Variants in INTS6 observed in about 807,000 individuals in gnomAD.
INTS6 encodes the protein integrator complex subunit 6.
A neutral mutation model predicts 104.9 loss-of-function variants in INTS6; 16 were observed. The observed-to-expected ratio is 0.15, with a 90% CI of 0.10 to 0.23. INTS6 has a LOEUF of 0.23. Among genes scored for constraint, INTS6 ranks in the 10% least tolerant of loss-of-function variants. The pLI is 1.00. For missense variants in INTS6, 584 were observed against 1,062.8 expected (o/e 0.55, Z 6.26); for synonymous variants, 324 against 358.7 (o/e 0.90, Z 1.09).
In INTS6 at chr13:51,430,225, A is replaced by C. The variant is rs139078176; in HGVS notation, c.429+69T>G. On this transcript the variant is annotated intron_variant, in intron 4 of 17. Coordinates refer to ENST00000311234, the MANE Select transcript of INTS6 (RefSeq NM_012141.3). ...ACGAGAGAACCTATTAAAGGTGTTC[A>C]GTATCCTACAAAAATAAAGGATTGT... The C allele has an allele frequency of 1.7e-3, 2,232 of 1,290,744 alleles. 28 individuals carry two copies. In the African/African-American group the frequency reaches 0.021, roughly 12 times the overall value. The allele number at this position is 1,290,744 out of a possible 1,614,324, so 80.0% of individuals were successfully genotyped here.
At chr13:51,450,652 G>A in intron 3 of INTS6, 1 of 989,380 alleles carries the variant, frequency 1.0e-6, no homozygotes, top group African/African-American at 1.7e-5. Context: ...TACTAATATA[G>A]AAACGAAGAA....
At chr13:51,413,563 C>T (rs1329399550) in intron 4 of INTS6, among the ~76,000 whole-genome samples, 2 of 152,096 alleles carry the variant, frequency 1.3e-5, no homozygotes, top group African/African-American at 4.8e-5. Flanking sequence ...AGTTGCAGAA[C>T]CAGGAATCAA....
intron 5 of INTS6, 131 bp downstream of exon 5, chr13:51,395,169 A>G: frequency 1.2e-6 from 1 of 817,734 alleles, no homozygotes; most frequent in Non-Finnish European, 1.9e-6. Flanking sequence ...TACTATTAAA[A>G]GCATATATGC....
At chr13:51,373,202 G>GTTT (rs201482941) in intron 15 of INTS6, among the ~76,000 whole-genome samples, 3 of 139,280 alleles carry the variant, frequency 2.2e-5, no homozygotes, top group African/African-American at 2.6e-5. Context: ...TTGGTGTTTG[G>GTTT]TTTTTTTTTT....
intron 3 of INTS6, chr13:51,447,733 G>GAAAAAAAAA (rs940260743): frequency 7.2e-5 from 4 of 55,464 alleles, no homozygotes; most frequent in African/African-American, 1.5e-4. Context: ...ATAATTTACT[G>GAAAAAAAAA]AAAAAAAAAA....
intron 3 of INTS6, chr13:51,440,834 C>T (rs1487923631): frequency 1.3e-5 from 2 of 152,186 alleles, no homozygotes; most frequent in Non-Finnish European, 2.9e-5. Flanking sequence ...CACAACAGAT[C>T]TGCCTAATGG....
In INTS6 at chr13:51,387,468, C is replaced by T. The variant is rs755747970; in HGVS notation, c.812G>A (p.Arg271Lys). ...AGGAACCCCAGTTTTAGGATTTGGT[C>T]TGACATATATGAGTTTGTGACAGCT... Reference protein sequence around the residue: ...WHSCHKLIYVRPNPKTGVPIG... With the variant: ...WHSCHKLIYVKPNPKTGVPIG... Residue 271 changes from arginine to lysine, a missense_variant, in exon 7 of 18, where the codon AGA (arginine) becomes AAA (lysine). Coordinates refer to ENST00000311234, the MANE Select transcript of INTS6 (RefSeq NM_012141.3). 1.9e-6 allele frequency: 3 copies of T among 1,613,862 alleles called. No individual in the cohort carries two copies. Among genetic ancestry groups the T allele is most frequent in the South Asian group, 1.1e-5 (1 of 91,060 alleles).
rs1342441114 is a variant in INTS6 at position 51,451,422 on chromosome 13, C to T, written c.190-248G>A. 3.0e-5 allele frequency: 8 copies of T among 268,368 alleles called. No homozygotes were observed. The Middle Eastern group carries it at 3.1e-3, about 105-fold the overall frequency. The allele number at this position is 268,368 out of a possible 1,614,324, so 16.6% of individuals were successfully genotyped here. On this transcript the variant is annotated intron_variant, in intron 2 of 17. Coordinates refer to ENST00000311234, the MANE Select transcript of INTS6 (RefSeq NM_012141.3). ...ATAACTTCACTGACAAATTTACTACCTAATCTAATACCCAAAATTTGGGTA... is the reference window on the plus strand; with the variant it reads ...ATAACTTCACTGACAAATTTACTACTTAATCTAATACCCAAAATTTGGGTA...
chr13:51,386,280 T>C (rs563869215), intron 7 of INTS6, among the ~76,000 whole-genome samples: 9 of 152,316 alleles, frequency 5.9e-5, no homozygotes, highest in African/African-American at 1.9e-4. Flanking sequence ...TCAGGTACTG[T>C]ATGTTCTCCT....
chr13:51,413,002 C>T (rs1455873931), intron 4 of INTS6, among the ~76,000 whole-genome samples: 1 of 152,058 alleles, frequency 6.6e-6, no homozygotes, highest in East Asian at 1.9e-4. Context: ...TTTATAAATG[C>T]TTCAAAATTT....
chr13:51,443,929 TAC>T (rs1952844596), intron 3 of INTS6: 1 of 152,204 alleles, frequency 6.6e-6, no homozygotes, highest in Admixed American at 6.5e-5. Context: ...TAATTCAAAA[TAC>T]ACAAATAAGT....
intron 3 of INTS6, among the ~76,000 whole-genome samples, chr13:51,430,960 A>T (rs1239113584): frequency 6.6e-6 from 1 of 152,218 alleles, no homozygotes; most frequent in Non-Finnish European, 1.5e-5. Flanking sequence ...TAAAATTAAA[A>T]ATGGTTACCT....
chr13:51,379,100 T>TGCA (rs964743524), intron 11 of INTS6, among the ~76,000 whole-genome samples: 9 of 151,976 alleles, frequency 5.9e-5, no homozygotes, highest in Admixed American at 5.2e-4. Context: ...ACTCCCATTC[T>TGCA]GAAAGAAAAA....
rs766863965 is a variant in INTS6 at position 51,451,189 on chromosome 13, G to T, written c.190-15C>A. 13 of 1,531,366 alleles carry T rather than the reference G, an allele frequency of 8.5e-6. No individual in the cohort carries two copies. Among genetic ancestry groups the T allele is most frequent in the East Asian group, 2.3e-5 (1 of 43,114 alleles). The allele number at this position is 1,531,366 out of a possible 1,614,324, so 94.9% of individuals were successfully genotyped here. ...TTCCATCCAGCCTGAAAAGAAAAAT[G>T]TAAGATTTTTTTTTTTCATTTTTTA... On this transcript the variant is annotated splice_polypyrimidine_tract_variant and intron_variant, in intron 2 of 17. Coordinates refer to ENST00000311234, the MANE Select transcript of INTS6 (RefSeq NM_012141.3).
chr13:51,364,652 G>C lies in INTS6; in HGVS notation c.*1100C>G, dbSNP rs1310810033. The C allele has an allele frequency of 5.3e-5, 9 of 169,674 alleles. No individual in the cohort carries two copies. The highest frequency in any genetic ancestry group is 5.1e-4 in the Admixed American group (8 of 15,730). 10.5% of individuals were successfully genotyped at this position (169,674 alleles called of 1,614,324 possible). A position where few individuals can be genotyped will look rare whatever the true frequency, so the allele number is the denominator to read the frequency against. On this transcript the variant is annotated 3_prime_UTR_variant, in exon 18 of 18. Coordinates refer to ENST00000311234, the MANE Select transcript of INTS6 (RefSeq NM_012141.3). ...GTTTTCCTTATCCTGTGAAACTCAG[G>C]GGGGATGCAAAATGAGCAAAGTCAT...
At position 51,378,448 on chromosome 13, in the gene INTS6, T is replaced by C; in HGVS notation, c.1393A>G (p.Ile465Val). Residue 465 changes from isoleucine to valine, a missense_variant, in exon 12 of 18, where the codon ATA becomes GTA. Around this residue, in one of 5 missense-constraint regions of INTS6, gnomAD observed 144 missense variants for 348.7 expected, o/e 0.41. Transcript: ENST00000311234. ...YLKKLSQQAK[I>V]ESDRVIGSVG... Reference sequence around the variant, plus strand: ...GATCCAATGACTCGATCAGATTCTATTTTGGCCTAAAGTAAAAATAAGTCA... The same window carrying C: ...GATCCAATGACTCGATCAGATTCTACTTTGGCCTAAAGTAAAAATAAGTCA... 6.2e-7 allele frequency: 1 copy of C among 1,610,910 alleles called. No individual in the cohort carries two copies. Among genetic ancestry groups the C allele is most frequent in the South Asian group, 1.1e-5 (1 of 90,778 alleles).
chr13:51,347,019 T>C, the INTS6 span: 1 of 1,569,032 alleles, frequency 6.4e-7, no homozygotes. Flanking sequence ...GCTTTCCTGC[T>C]TGCAGGTGGG....
chr13:51,427,146 T>C (rs979205997), intron 4 of INTS6, among the ~76,000 whole-genome samples: 2 of 152,072 alleles, frequency 1.3e-5, no homozygotes, highest in African/African-American at 4.8e-5. Flanking sequence ...AAGGATATCA[T>C]ACAGGTGGAA....
At position 51,395,071 on chromosome 13, in the gene INTS6, A is replaced by G. The variant is rs566029439; in HGVS notation, c.613+229T>C. On this transcript the variant is annotated intron_variant, in intron 5 of 17. Coordinates refer to ENST00000311234, the MANE Select transcript of INTS6 (RefSeq NM_012141.3). Reference sequence around the variant, plus strand: ...TTCAAATAATAGCATTTTCTATACAAGTAGAAAAAATATTACCATTCCTTG... The same window carrying G: ...TTCAAATAATAGCATTTTCTATACAGGTAGAAAAAATATTACCATTCCTTG... Among the ~76,000 whole-genome samples, 42 of 152,360 alleles carry G rather than the reference A, an allele frequency of 2.8e-4. No individual in the cohort carries two copies. In the South Asian group the frequency reaches 8.7e-3, roughly 32 times the overall value.
Sources: gnomAD v4.1 joint callset for allele counts (sites outside exome capture counted in the v4.1 genomes callset) on GRCh38, gnomAD v4.1.1 for gene constraint, gnomAD v4.1.1 regional missense constraint, MANE v1.5 for transcripts, NCBI Gene and HGNC (gene_info 2026-07-23, HGNC 2026-07-21) for gene names.